RALGAPA1: variants seen among roughly 807,000 people sequenced by gnomAD.
The protein encoded by RALGAPA1 is Ral GTPase activating protein catalytic subunit alpha 1.
Under a neutral mutation model 269.6 loss-of-function variants are expected in RALGAPA1, and 52 were observed. That is an observed-to-expected ratio of 0.19 (90% CI 0.15 to 0.24). The LOEUF (loss-of-function observed/expected upper bound fraction) is 0.24. Ranked by LOEUF, RALGAPA1 falls within the 10% of genes least tolerant of loss-of-function variation. The pLI is 1.00. For missense variants in RALGAPA1, 1,917 were observed against 3,013.9 expected (o/e 0.64, Z 8.52); for synonymous variants, 817 against 1,008.3 (o/e 0.81, Z 3.60).
chr14:35,624,712 T>C (rs1026018926), intron 35 of RALGAPA1, among the ~76,000 whole-genome samples: 2 of 152,152 alleles, frequency 1.3e-5, no homozygotes, highest in Non-Finnish European at 2.9e-5. Context: ...GTCTGAATCA[T>C]CTTACTCACT....
chr14:35,651,729 C>A (rs1248720391), intron 31 of RALGAPA1, 76 bp downstream of exon 31: 49 of 1,329,554 alleles, frequency 3.7e-5, no homozygotes, highest in Non-Finnish European at 5.0e-5. Flanking sequence ...TGTAAATATA[C>A]ATACCTTTAA....
intron 37 of RALGAPA1, among the ~76,000 whole-genome samples, chr14:35,575,792 C>T (rs561674736): frequency 1.3e-4 from 20 of 152,208 alleles, no homozygotes; most frequent in Admixed American, 3.3e-4. Flanking sequence ...TGGGGTTTCA[C>T]CATGTTGGCC....
intron 31 of RALGAPA1, among the ~76,000 whole-genome samples, chr14:35,644,136 T>C (rs749816880): frequency 1.3e-5 from 2 of 152,148 alleles, no homozygotes; most frequent in African/African-American, 4.8e-5. Flanking sequence ...TCTGTCAAAA[T>C]ATCCCATGCA....
chr14:35,541,936 G>C, intron 41 of RALGAPA1: 1 of 848,640 alleles, frequency 1.2e-6, no homozygotes, highest in Non-Finnish European at 1.7e-6. Flanking sequence ...GAGGAATCAA[G>C]GTTTTTATTA....
intron 39 of RALGAPA1, among the ~76,000 whole-genome samples, chr14:35,552,355 T>C (rs1205569345): frequency 6.6e-6 from 1 of 152,098 alleles, no homozygotes; most frequent in East Asian, 1.9e-4. Context: ...CTATATCTCA[T>C]TATAATAGGT....
At chr14:35,655,471 G>T (rs77343697) in intron 29 of RALGAPA1, among the ~76,000 whole-genome samples, 2 of 151,700 alleles carry the variant, frequency 1.3e-5, no homozygotes, top group Non-Finnish European at 2.9e-5. Context: ...AAAGATCAAA[G>T]AACAGTAAGT....
At chr14:35,635,072 G>A (rs1049745293) in intron 32 of RALGAPA1, among the ~76,000 whole-genome samples, 2 of 152,114 alleles carry the variant, frequency 1.3e-5, no homozygotes, top group Admixed American at 6.5e-5. Flanking sequence ...TCAGGAGACT[G>A]AGGCAAGAGA....
At position 35,750,578 on chromosome 14, in the gene RALGAPA1, G is replaced by A; in HGVS notation, c.915C>T (p.Val305=). The A allele has an allele frequency of 1.2e-6, 2 of 1,612,932 alleles. No individual in the cohort carries two copies. Among genetic ancestry groups the A allele is most frequent in the Non-Finnish European group, 1.7e-6 (2 of 1,179,192 alleles). The change falls in exon 9 of 42, where the codon GTC becomes GTT. Residue 305 remains valine, a synonymous_variant. Transcript: ENST00000680220. ...KEPFIKARVI[V]IRWLVSFWLE... ...GCCAGAAAGAAACCAGCCAACGAAT[G>A]ACAATAACACGAGCCTTAATGAAAG...
intron 13 of RALGAPA1, among the ~76,000 whole-genome samples, chr14:35,728,021 T>C (rs2070126384): frequency 6.6e-6 from 1 of 152,188 alleles, no homozygotes; most frequent in Non-Finnish European, 1.5e-5. Flanking sequence ...ACATATTCAG[T>C]CAATCATCAA....
intron 33 of RALGAPA1, among the ~76,000 whole-genome samples, chr14:35,628,371 A>G (rs1299472960): frequency 6.6e-6 from 1 of 152,292 alleles, no homozygotes; most frequent in South Asian, 2.1e-4. Context: ...CTATGTCTCT[A>G]TAAATAAAAA....
At chr14:35,660,590 T>C (rs891405412) in intron 27 of RALGAPA1, among the ~76,000 whole-genome samples, 1 of 152,132 alleles carries the variant, frequency 6.6e-6, no homozygotes, top group Admixed American at 6.5e-5. Flanking sequence ...ATCCTACTTC[T>C]GGGTATATAT....
chr14:35,808,488 CA>C (rs1313169013), intron 1 of RALGAPA1, among the ~76,000 whole-genome samples: 2 of 152,170 alleles, frequency 1.3e-5, no homozygotes, highest in African/African-American at 2.4e-5. Flanking sequence ...AGAGTAATAC[CA>C]ATTTTAAAAA....
At chr14:35,698,426 G>A (rs2067067043) in intron 17 of RALGAPA1, among the ~76,000 whole-genome samples, 1 of 152,062 alleles carries the variant, frequency 6.6e-6, no homozygotes, top group South Asian at 2.1e-4. Flanking sequence ...TTGCAGATGA[G>A]AAATTCTGTA....
intron 21 of RALGAPA1, among the ~76,000 whole-genome samples, chr14:35,679,035 G>GAAATTCTGTTA (rs1216855325): frequency 6.6e-6 from 1 of 152,134 alleles, no homozygotes; most frequent in Non-Finnish European, 1.5e-5. Flanking sequence ...TGTAAGAACA[G>GAAATTCTGTTA]AAATTCTGTT....
chr14:35,761,089 T>A, intron 5 of RALGAPA1, 83 bp from the exon 6 acceptor site: 1 of 1,030,638 alleles, frequency 9.7e-7, no homozygotes, highest in Non-Finnish European at 1.4e-6. Flanking sequence ...CTCTAGATGA[T>A]GACAACAGAA....
At chr14:35,601,578 T>C (rs1408687841) in intron 36 of RALGAPA1, among the ~76,000 whole-genome samples, 3 of 152,188 alleles carry the variant, frequency 2.0e-5, no homozygotes, top group Non-Finnish European at 1.5e-5. Context: ...AAGAGCAGGC[T>C]TTGGTTGGTG....
chr14:35,776,175 G>A lies in RALGAPA1; in HGVS notation c.107-430C>T, dbSNP rs1204841265. ...GGTGGGCAGATACCTGAGGTCAGGAGTTCGAAACCAGCCTGGCCAACACAG... is the reference window on the plus strand; with the variant it reads ...GGTGGGCAGATACCTGAGGTCAGGAATTCGAAACCAGCCTGGCCAACACAG... On this transcript the variant is annotated intron_variant, in intron 1 of 41. Transcript: ENST00000680220. Among the ~76,000 whole-genome samples, 3 of 152,130 alleles carry A rather than the reference G, an allele frequency of 2.0e-5. 1 individual carries two copies. The highest frequency in any genetic ancestry group is 4.4e-5 in the Non-Finnish European group (3 of 68,018).
chr14:35,682,513 A>G (rs979603092), intron 21 of RALGAPA1, among the ~76,000 whole-genome samples: 2 of 152,032 alleles, frequency 1.3e-5, no homozygotes, highest in Non-Finnish European at 2.9e-5. Flanking sequence ...TCACCCTATT[A>G]GCCAGGATGG....
At chr14:35,677,662 TG>T in intron 22 of RALGAPA1, 1 of 299,036 alleles carries the variant, frequency 3.3e-6, no homozygotes, top group South Asian at 3.7e-5. Flanking sequence ...ATGTATTTCC[TG>T]TTTTAGGAAA....
Sources: gnomAD v4.1 joint callset for allele counts (sites outside exome capture counted in the v4.1 genomes callset) on GRCh38, gnomAD v4.1.1 for gene constraint, MANE v1.5 for transcripts, NCBI Gene and HGNC (gene_info 2026-07-23, HGNC 2026-07-21) for gene names.